Variants in SPINDOC observed in about 807,000 individuals in gnomAD.
The protein encoded by SPINDOC is spindlin interactor and repressor of chromatin binding.
Under a neutral mutation model 30.7 loss-of-function variants are expected in SPINDOC, and 13 were observed. The ratio of observed to expected loss-of-function variants is 0.42; its 90% CI spans 0.28 to 0.67. SPINDOC has a LOEUF of 0.67. SPINDOC is among the 30% of genes least tolerant of loss of function. The pLI is 0.22. For synonymous variants in SPINDOC, 228 were observed against 211.4 expected (o/e 1.08, Z -0.68); for missense variants, 438 against 518.0 (o/e 0.85, Z 1.50).
chr11:63,814,947 A>G (rs1250185730), intron 1 of SPINDOC, among the ~76,000 whole-genome samples: 2 of 152,214 alleles, frequency 1.3e-5, no homozygotes, highest in South Asian at 2.1e-4. Flanking sequence ...CATTCAACCA[A>G]TATTCACTGG....
chr11:63,813,658 C>G lies in SPINDOC; in HGVS notation c.-29C>G, dbSNP rs376047972. On this transcript the variant is annotated 5_prime_UTR_variant, in exon 1 of 6. Coordinates refer to ENST00000294244, the MANE Select transcript of SPINDOC (RefSeq NM_138471.3). ...CGCCGAAGCCTGCGCGCCAGTCCTC[C>G]GGCCACTGCTATCGCCCACGGCCGC... is the stretch of plus-strand genomic sequence containing the variant. The G allele has an allele frequency of 2.8e-4, 429 of 1,518,298 alleles. 2 individuals carry two copies. Among genetic ancestry groups the G allele is most frequent in the Middle Eastern group, 4.6e-4 (2 of 4,348 alleles). The allele number at this position is 1,518,298 out of a possible 1,614,324, so 94.1% of individuals were successfully genotyped here.
Position 63,818,732 on chromosome 11 carries a change from G to A in SPINDOC, c.734-70G>A. 2 of 1,611,904 alleles carry A rather than the reference G, an allele frequency of 1.2e-6. No homozygotes were observed. Among genetic ancestry groups the A allele is most frequent in the South Asian group, 1.1e-5 (1 of 91,036 alleles). On this transcript the variant is annotated intron_variant, in intron 4 of 5. Coordinates refer to ENST00000294244, the MANE Select transcript of SPINDOC (RefSeq NM_138471.3). The surrounding 1 kb of genome is among the most constrained non-coding windows in gnomAD (Gnocchi z 5.3). ...TCCGCATCAGTGAGGATGGAGCAGG[G>A]CCTGGGCGCAGGGCGCCTGCAGCTC...
In SPINDOC at chr11:63,818,604, A is replaced by G. The variant is rs1185848052; in HGVS notation, c.685A>G (p.Arg229Gly). The change falls in exon 4 of 6, where the codon AGA (arginine) becomes GGA (glycine). Residue 229 changes from arginine (R) to glycine (G), a missense_variant. Transcript: ENST00000294244. This position sits in a 1 kb window ranked among gnomAD's most constrained non-coding sequence, Gnocchi z 5.3. ...WKEPPGEEPV[R>G]KKRGRPMTKN... Reference sequence around the variant, plus strand: ...GGAACCCCCAGGGGAAGAGCCAGTCAGAAAGAAAAGAGGCAGACCTATGAC... The same window carrying G: ...GGAACCCCCAGGGGAAGAGCCAGTCGGAAAGAAAAGAGGCAGACCTATGAC... The G allele has an allele frequency of 1.4e-5, 22 of 1,613,810 alleles. No individual in the cohort carries two copies. Among genetic ancestry groups the G allele is most frequent in the Non-Finnish European group, 1.8e-5 (21 of 1,180,022 alleles).
At chr11:63,826,101 C>T (rs1436648842) in intron 5 of SPINDOC, among the ~76,000 whole-genome samples, 1 of 152,012 alleles carries the variant, frequency 6.6e-6, no homozygotes, top group Admixed American at 6.6e-5. Context: ...ACTATGCCTG[C>T]CTAATTTCTT....
chr11:63,816,057 C>T (rs995575884), intron 1 of SPINDOC, among the ~76,000 whole-genome samples: 6 of 152,164 alleles, frequency 3.9e-5, no homozygotes, highest in South Asian at 2.1e-4. Flanking sequence ...TGAGCCACCG[C>T]ACCTGGCCGT....
In SPINDOC at chr11:63,818,239, GACCCAGACGCCA is replaced by G. The variant is rs757843940; in HGVS notation, c.492_503del (p.Asn165_Ala168del). The G allele has an allele frequency of 2.8e-5, 45 of 1,614,106 alleles. No homozygotes were observed. Among genetic ancestry groups the G allele is most frequent in the South Asian group, 2.2e-4 (20 of 91,078 alleles). ...AGACTCGGGCCAGGATGCCCACCCA[GACCCAGACGCCA>G]ACCCAGACGCTGCCAGAATGCCAGC... On this transcript the variant is annotated inframe_deletion, in exon 3 of 6. Transcript: ENST00000294244. The surrounding 1 kb of genome is among the most constrained non-coding windows in gnomAD (Gnocchi z 5.3).
chr11:63,814,501 TC>T (rs1353934361), intron 1 of SPINDOC, among the ~76,000 whole-genome samples: 1 of 151,992 alleles, frequency 6.6e-6, no homozygotes, highest in Non-Finnish European at 1.5e-5. Flanking sequence ...CGCTCTCCCC[TC>T]CCCCTTCACC....
rs150459678 is a variant in SPINDOC at position 63,813,782 on chromosome 11, C to G, written c.96C>G (p.Ala32=). ...GEDEEEAMVV[A]VIPRPEPMLR... ...ACGAGGAGGAGGCCATGGTGGTGGC[C>G]GTAATTCCGCGGCCCGAGCCGATGC... Residue 32 remains alanine, a synonymous_variant, in exon 1 of 6, where the codon GCC becomes GCG. Coordinates refer to ENST00000294244, the MANE Select transcript of SPINDOC (RefSeq NM_138471.3). The G allele has an allele frequency of 3.3e-4, 524 of 1,586,294 alleles. 2 individuals carry two copies. In the South Asian group the frequency reaches 4.0e-3, roughly 12 times the overall value.
intron 1 of SPINDOC, among the ~76,000 whole-genome samples, chr11:63,815,397 T>C (rs749878460): frequency 6.6e-6 from 1 of 152,192 alleles, no homozygotes; most frequent in Non-Finnish European, 1.5e-5. Context: ...GCCTTCCCAT[T>C]TTCCGAGATG....
chr11:63,827,470 G>A lies in SPINDOC; in HGVS notation c.*331G>A, dbSNP rs190077592. On this transcript the variant is annotated 3_prime_UTR_variant, in exon 6 of 6. Transcript: ENST00000294244. The stretch of plus-strand genomic sequence containing the variant: ...CCCCTGCTCCCCACCATTCTCCCTT[G>A]GCACAGTGCCTTACACAAGAGTGGT... 1 of 380,054 alleles carries A rather than the reference G, an allele frequency of 2.6e-6. No homozygotes were observed. Among genetic ancestry groups the A allele is most frequent in the East Asian group, 5.4e-5 (1 of 18,636 alleles). 23.5% of individuals were successfully genotyped at this position (380,054 alleles called of 1,614,324 possible). A position where few individuals can be genotyped will look rare whatever the true frequency, so the allele number is the denominator to read the frequency against.
chr11:63,816,890 G>A (rs931381513), intron 1 of SPINDOC, among the ~76,000 whole-genome samples: 2 of 152,172 alleles, frequency 1.3e-5, no homozygotes, highest in Non-Finnish European at 2.9e-5. Flanking sequence ...CCTTTAGAAC[G>A]GGCATGGTGG....
chr11:63,819,617 C>G (rs893551400), intron 5 of SPINDOC, among the ~76,000 whole-genome samples: 4 of 152,064 alleles, frequency 2.6e-5, no homozygotes, highest in African/African-American at 9.6e-5. Flanking sequence ...CTGCCTCACC[C>G]TCCTGAGTAG....
At chr11:63,826,655 G>T (rs1257888663) in intron 5 of SPINDOC, among the ~76,000 whole-genome samples, 1 of 152,206 alleles carries the variant, frequency 6.6e-6, no homozygotes, top group Non-Finnish European at 1.5e-5. Flanking sequence ...AGGCGTCCCT[G>T]TGCCAAAATA....
At position 63,817,932 on chromosome 11, in the gene SPINDOC, C is replaced by G. The variant is rs1014770155; in HGVS notation, c.255C>G (p.Gly85=). The change falls in exon 2 of 6, where the codon GGC becomes GGG. Residue 85 remains glycine (G), a synonymous_variant. Coordinates refer to ENST00000294244, the MANE Select transcript of SPINDOC (RefSeq NM_138471.3). ...TCCTGGTGGGCAGCAGCCCAGGAGG[C>G]AGCGGGCGGGCACTGTGCATGGTGT... The part of the protein sequence containing the change: ...QEFLVGSSPG[G]SGRALCMVCG... The G allele has an allele frequency of 6.2e-7, 1 of 1,613,992 alleles. No homozygotes were observed. Among genetic ancestry groups the G allele is most frequent in the Non-Finnish European group, 8.5e-7 (1 of 1,180,038 alleles).
chr11:63,814,293 C>T (rs966820893), intron 1 of SPINDOC, among the ~76,000 whole-genome samples: 4 of 152,250 alleles, frequency 2.6e-5, no homozygotes, highest in African/African-American at 9.6e-5. Flanking sequence ...TTTAAGGGCT[C>T]TCCGAGCATA....
At chr11:63,822,675 T>G in intron 5 of SPINDOC, 1 of 1,289,010 alleles carries the variant, frequency 7.8e-7, no homozygotes, top group East Asian at 5.5e-5. Flanking sequence ...TGAGACCGAG[T>G]GTGCTGCTTG....
chr11:63,815,861 G>A (rs960793143), intron 1 of SPINDOC, among the ~76,000 whole-genome samples: 11 of 151,560 alleles, frequency 7.3e-5, no homozygotes, highest in Admixed American at 1.3e-4. Flanking sequence ...TTCGCCTCCC[G>A]GGTTCAAGTG....
chr11:63,818,530 T>A lies in SPINDOC; in HGVS notation c.611T>A (p.Val204Asp). ...ATGAGGTCTTTTCTTTTTGCAGCTG[T>A]CCCTGCCACAGAGCCAGGAAATAAG... Reference protein sequence around the residue: ...RGLRPLELPAVPATEPGNKKP... With the variant: ...RGLRPLELPADPATEPGNKKP... The change falls in exon 4 of 6, where the codon GTC becomes GAC. Residue 204 changes from valine (V) to aspartate (D), a missense_variant. By Grantham distance (152) the Val-to-Asp change is radical. Coordinates refer to ENST00000294244, the MANE Select transcript of SPINDOC (RefSeq NM_138471.3). The surrounding 1 kb of genome is among the most constrained non-coding windows in gnomAD (Gnocchi z 5.3). 2 of 1,609,650 alleles carry A rather than the reference T, an allele frequency of 1.2e-6. No homozygotes were observed. Among genetic ancestry groups the A allele is most frequent in the South Asian group, 1.1e-5 (1 of 90,994 alleles).
rs140762238 is a variant in SPINDOC, at chr11:63,813,701, C to G, written c.15C>G (p.Ala5=). The stretch of plus-strand genomic sequence containing the variant: ...ACGGCCGCACCATGGCCCTAAAGGC[C>G]GAGGGCGCCGCACTCGACTGCTTCG... MALK[A]EGAALDCFEV... is the part of the protein sequence containing the mutation. The change falls in exon 1 of 6, where the codon GCC becomes GCG. Residue 5 remains alanine, a synonymous_variant. Coordinates refer to ENST00000294244, the MANE Select transcript of SPINDOC (RefSeq NM_138471.3). The G allele has an allele frequency of 3.7e-4, 579 of 1,579,354 alleles. 6 individuals are homozygous for G. In the African/African-American group the frequency reaches 6.2e-3, roughly 17 times the overall value.
Sources: gnomAD v4.1 joint callset for allele counts (sites outside exome capture counted in the v4.1 genomes callset) on GRCh38, gnomAD v4.1.1 for gene constraint, Gnocchi (gnomAD v3.1) non-coding constraint, MANE v1.5 for transcripts, NCBI Gene and HGNC (gene_info 2026-07-23, HGNC 2026-07-21) for gene names.